Variants in RGS12 observed in about 807,000 individuals in gnomAD.
The protein encoded by RGS12 is regulator of G-protein signaling 12.
A neutral mutation model predicts 120.1 loss-of-function variants in RGS12; 66 were observed. The ratio of observed to expected loss-of-function variants is 0.55; its 90% CI spans 0.45 to 0.67. The LOEUF (loss-of-function observed/expected upper bound fraction) is 0.67, where lower values mean the gene tolerates loss of function less well. Among genes scored for constraint, RGS12 ranks in the 30% least tolerant of loss-of-function variants. The pLI, the probability that RGS12 is intolerant of heterozygous loss-of-function variation, is 0.00. For synonymous variants in RGS12, 827 were observed against 804.7 expected (o/e 1.03, Z -0.47); for missense variants, 1,859 against 1,957.7 (o/e 0.95, Z 0.95).
intron 2 of RGS12, among the ~76,000 whole-genome samples, chr4:3,330,377 T>C (rs1354059914): frequency 2.0e-5 from 3 of 152,168 alleles, no homozygotes; most frequent in African/African-American, 7.2e-5. Context: ...GAGATTTGAT[T>C]AGGTCACCTT....
intron 2 of RGS12, among the ~76,000 whole-genome samples, chr4:3,329,275 T>G (rs937402116): frequency 1.3e-5 from 2 of 151,772 alleles, no homozygotes; most frequent in African/African-American, 2.4e-5. Context: ...GACCCAGGAG[T>G]GCAAGAGATC....
chr4:3,325,950 T>C (rs554890117), intron 2 of RGS12, among the ~76,000 whole-genome samples: 21 of 151,966 alleles, frequency 1.4e-4, no homozygotes, highest in African/African-American at 4.8e-4. Context: ...TCAATAGACA[T>C]AGAAAAAGCA....
intron 4 of RGS12, among the ~76,000 whole-genome samples, chr4:3,393,525 A>G (rs188529916): frequency 1.7e-4 from 26 of 151,974 alleles, no homozygotes; most frequent in Admixed American, 1.7e-3. Flanking sequence ...GCTGTGGTTC[A>G]TGGAGTGCCT....
intron 3 of RGS12, chr4:3,370,437 G>C (rs1441196785): frequency 1.4e-5 from 14 of 1,027,916 alleles, no homozygotes; most frequent in Non-Finnish European, 2.1e-5. Flanking sequence ...GTAAGGATAA[G>C]CTTTGGAAAT....
chr4:3,322,894 T>C (rs1250920723), intron 2 of RGS12, among the ~76,000 whole-genome samples: 1 of 152,136 alleles, frequency 6.6e-6, no homozygotes, highest in Non-Finnish European at 1.5e-5. Flanking sequence ...CCGCAGAAGG[T>C]TGGATTTGCA....
intron 4 of RGS12, among the ~76,000 whole-genome samples, chr4:3,394,910 T>G (rs1293999712): frequency 6.6e-6 from 1 of 152,104 alleles, no homozygotes; most frequent in South Asian, 2.1e-4. Flanking sequence ...GGTTCACATC[T>G]GTAATCCCAG....
upstream of RGS12, among the ~76,000 whole-genome samples, chr4:3,289,106 G>C (rs1025296913): frequency 6.6e-6 from 1 of 152,188 alleles, no homozygotes; most frequent in African/African-American, 2.4e-5. Flanking sequence ...CCCACAACCA[G>C]GTCCCCAAGT....
chr4:3,338,932 C>A (rs1326666481), intron 2 of RGS12, among the ~76,000 whole-genome samples: 1 of 152,148 alleles, frequency 6.6e-6, no homozygotes, highest in Non-Finnish European at 1.5e-5. Flanking sequence ...AAAACTTTGT[C>A]AATTTGAGAA....
chr4:3,359,864 C>T (rs902266751), intron 3 of RGS12, among the ~76,000 whole-genome samples: 8 of 152,096 alleles, frequency 5.3e-5, no homozygotes, highest in African/African-American at 1.9e-4. Flanking sequence ...CTCAGGTGAT[C>T]CGCCCACCTC....
chr4:3,319,875 C>T (rs1725064778), intron 2 of RGS12, among the ~76,000 whole-genome samples: 1 of 152,238 alleles, frequency 6.6e-6, no homozygotes, highest in Non-Finnish European at 1.5e-5. Context: ...CACCTCACTT[C>T]TCCGTGGAGC....
chr4:3,354,345 G>T (rs531613244), intron 3 of RGS12, among the ~76,000 whole-genome samples: 1 of 152,266 alleles, frequency 6.6e-6, no homozygotes, highest in South Asian at 2.1e-4. Flanking sequence ...ATTCTGCCAG[G>T]TACACACCTG....
chr4:3,352,336 C>T (rs916511576), intron 3 of RGS12, among the ~76,000 whole-genome samples: 13 of 152,078 alleles, frequency 8.5e-5, no homozygotes, highest in African/African-American at 2.4e-4. Flanking sequence ...GCAGAAGAGG[C>T]GAGTCATGGA....
At chr4:3,401,252 T>C (rs903627128) in intron 4 of RGS12, among the ~76,000 whole-genome samples, 2 of 152,218 alleles carry the variant, frequency 1.3e-5, no homozygotes, top group African/African-American at 4.8e-5. Context: ...ACCAGAATTT[T>C]AGGTGATAAG....
intron 2 of RGS12, among the ~76,000 whole-genome samples, chr4:3,339,598 A>G (rs1323461318): frequency 3.9e-5 from 6 of 152,244 alleles, no homozygotes; most frequent in South Asian, 2.1e-4. Flanking sequence ...GATACTTGCC[A>G]TGGTCTACAG....
chr4:3,389,038 G>A lies in RGS12; in HGVS notation c.2020+2601G>A, dbSNP rs892160254. 5.9e-5 allele frequency among the ~76,000 whole-genome samples: 9 copies of A among 152,198 alleles called. No homozygotes were observed. Among genetic ancestry groups the A allele is most frequent in the Non-Finnish European group, 1.2e-4 (8 of 68,038 alleles). The stretch of plus-strand genomic sequence containing the variant: ...AGAAATATTTTGTGTTCAACGAGCC[G>A]TGCCAGTGAGAGAGTTCGTGTTCAT... On this transcript the variant is annotated intron_variant, in intron 4 of 17. Transcript: ENST00000336727. The surrounding 1 kb of genome is among the most constrained non-coding windows in gnomAD (Gnocchi z 5.2).
At chr4:3,368,920 C>T (rs1716676468) in intron 3 of RGS12, among the ~76,000 whole-genome samples, 1 of 152,120 alleles carries the variant, frequency 6.6e-6, no homozygotes, top group Non-Finnish European at 1.5e-5. Context: ...TAATGTAGAC[C>T]CTCTGGCCCA....
upstream of RGS12, among the ~76,000 whole-genome samples, chr4:3,292,786 GC>G (rs894112358): frequency 6.6e-6 from 1 of 152,072 alleles, no homozygotes; most frequent in Non-Finnish European, 1.5e-5. Context: ...CGGAAGTCCC[GC>G]CCCCGGCCGT....
intron 5 of RGS12, chr4:3,414,507 T>C: frequency 1.7e-6 from 1 of 598,652 alleles, no homozygotes; most frequent in South Asian, 2.1e-5. Context: ...CACTGGAGCT[T>C]CCTATCTGTG....
intron 3 of RGS12, among the ~76,000 whole-genome samples, chr4:3,352,711 G>C (rs115577882): frequency 6.6e-6 from 1 of 152,160 alleles, no homozygotes; most frequent in African/African-American, 2.4e-5. Flanking sequence ...AGATGTCCTC[G>C]CAGAAGTAAT....
Sources: gnomAD v4.1 joint callset for allele counts (sites outside exome capture counted in the v4.1 genomes callset) on GRCh38, gnomAD v4.1.1 for gene constraint, Gnocchi (gnomAD v3.1) non-coding constraint, MANE v1.5 for transcripts, NCBI Gene and HGNC (gene_info 2026-07-23, HGNC 2026-07-21) for gene names.